Variants in EXOC4 observed in about 807,000 individuals in gnomAD.
EXOC4 encodes exocyst complex component 4.
A neutral mutation model predicts 107.2 loss-of-function variants in EXOC4; 71 were observed. That is an observed-to-expected ratio of 0.66 (90% CI 0.55 to 0.81). The LOEUF is 0.81. EXOC4 is among the 30% of genes least tolerant of loss of function. The pLI is 0.00. For synonymous variants in EXOC4, 456 were observed against 441.2 expected (o/e 1.03, Z -0.42); for missense variants, 1,108 against 1,189.6 (o/e 0.93, Z 1.01).
At chr7:133,815,247 G>A (rs1337030035) in intron 10 of EXOC4, among the ~76,000 whole-genome samples, 2 of 151,820 alleles carry the variant, frequency 1.3e-5, no homozygotes, top group Non-Finnish European at 2.9e-5. Flanking sequence ...TGGGCGTGGT[G>A]GTGCACACCT....
At chr7:133,385,758 C>T (rs1214930027) in intron 7 of EXOC4, among the ~76,000 whole-genome samples, 2 of 152,146 alleles carry the variant, frequency 1.3e-5, no homozygotes, top group Non-Finnish European at 2.9e-5. Flanking sequence ...CTTGCCCTAG[C>T]TTTCTTTTGC....
intron 10 of EXOC4, among the ~76,000 whole-genome samples, chr7:133,692,564 C>T (rs1794444945): frequency 6.6e-6 from 1 of 152,178 alleles, no homozygotes; most frequent in South Asian, 2.1e-4. Context: ...TAAACACTTC[C>T]ATCTTATCCA....
At chr7:133,955,819 G>T (rs1301133289) in intron 14 of EXOC4, among the ~76,000 whole-genome samples, 1 of 152,248 alleles carries the variant, frequency 6.6e-6, no homozygotes, top group African/African-American at 2.4e-5. Context: ...CTGAGTGCGT[G>T]CATACGTGAC....
intron 11 of EXOC4, among the ~76,000 whole-genome samples, chr7:133,865,107 TTTTTC>T (rs1330313949): frequency 1.3e-5 from 2 of 152,178 alleles, no homozygotes; most frequent in African/African-American, 2.4e-5. Context: ...TTATATTACT[TTTTTC>T]TTTTTCTTAT....
intron 10 of EXOC4, among the ~76,000 whole-genome samples, chr7:133,674,933 G>A (rs1455852585): frequency 6.6e-6 from 1 of 152,088 alleles, no homozygotes; most frequent in East Asian, 1.9e-4. Context: ...GCTTAACATT[G>A]TGCTCACTAC....
chr7:133,303,775 A>G (rs1794693343), intron 3 of EXOC4, among the ~76,000 whole-genome samples: 1 of 152,222 alleles, frequency 6.6e-6, no homozygotes, highest in Admixed American at 6.5e-5. Flanking sequence ...AAATATATTC[A>G]AAGTTTGTCA....
the EXOC4 span, among the ~76,000 whole-genome samples, chr7:134,087,187 T>C: frequency 6.6e-6 from 1 of 152,220 alleles, no homozygotes; most frequent in Non-Finnish European, 1.5e-5. Flanking sequence ...TTCAAATGCC[T>C]CTGACATTTC....
intron 10 of EXOC4, among the ~76,000 whole-genome samples, chr7:133,659,612 T>G (rs1332915360): frequency 6.6e-6 from 1 of 152,172 alleles, no homozygotes; most frequent in East Asian, 1.9e-4. Context: ...TAAGTGTGGA[T>G]TCCTGGTCCT....
chr7:133,361,203 C>T (rs772460626), intron 6 of EXOC4, among the ~76,000 whole-genome samples: 18 of 152,318 alleles, frequency 1.2e-4, no homozygotes, highest in Non-Finnish European at 1.6e-4. Context: ...ACTCAAAGAA[C>T]GCTAAGATGT....
chr7:133,543,203 TTG>T (rs137867471), intron 9 of EXOC4, among the ~76,000 whole-genome samples: 6,095 of 152,128 alleles, frequency 0.04, 417 homozygotes, highest in African/African-American at 0.14. Context: ...AAAATATACT[TTG>T]TGTATAAGTT....
chr7:133,766,795 A>C (rs948804692), intron 10 of EXOC4, among the ~76,000 whole-genome samples: 1 of 151,950 alleles, frequency 6.6e-6, no homozygotes, highest in African/African-American at 2.4e-5. Flanking sequence ...CAAATTGCCC[A>C]GGTCACTTGG....
chr7:133,863,792 C>A (rs1482998200), intron 11 of EXOC4, among the ~76,000 whole-genome samples: 1 of 152,160 alleles, frequency 6.6e-6, no homozygotes, highest in South Asian at 2.1e-4. Context: ...AGAAAAACTT[C>A]CTGCTTTGCA....
chr7:133,922,008 C>A (rs959314403), intron 13 of EXOC4, among the ~76,000 whole-genome samples: 1 of 152,166 alleles, frequency 6.6e-6, no homozygotes, highest in Non-Finnish European at 1.5e-5. Context: ...TATTGCTGAG[C>A]CCATCAGAGG....
At chr7:133,280,981 A>T (rs1794123502) in intron 2 of EXOC4, among the ~76,000 whole-genome samples, 3 of 152,304 alleles carry the variant, frequency 2.0e-5, no homozygotes, top group African/African-American at 7.2e-5. Context: ...ACATTAATGC[A>T]GTTGCTGGAA....
intron 14 of EXOC4, among the ~76,000 whole-genome samples, chr7:133,969,529 G>A (rs1801152278): frequency 6.6e-6 from 1 of 152,126 alleles, no homozygotes; most frequent in Non-Finnish European, 1.5e-5. Flanking sequence ...GTTTCTGTGT[G>A]GACGTCCTTT....
intron 5 of EXOC4, among the ~76,000 whole-genome samples, chr7:133,322,052 T>A (rs1795124765): frequency 6.6e-6 from 1 of 152,220 alleles, no homozygotes; most frequent in African/African-American, 2.4e-5. Flanking sequence ...CTTCACCCAC[T>A]TTTTGATGGG....
chr7:133,317,337 C>T lies in EXOC4; in HGVS notation c.710C>T (p.Thr237Ile). The T allele has an allele frequency of 8.7e-6, 14 of 1,613,796 alleles. No homozygotes were observed. The highest frequency in any genetic ancestry group is 1.2e-5 in the Non-Finnish European group (14 of 1,179,690). ...VPLIDVTNLP[T>I]PRKFLDTSHY... is the part of the protein sequence containing the mutation. ...CTGATTGATGTTACAAACCTCCCTA[C>T]TCCTCGAAAATTCCTTGATACCTCT... Residue 237 changes from threonine (T) to isoleucine (I), a missense_variant, in exon 5 of 18, where the codon ACT becomes ATT. Physicochemically the swap from Thr to Ile is moderately conservative, Grantham distance 89. Coordinates refer to ENST00000253861, the MANE Select transcript of EXOC4 (RefSeq NM_021807.4).
intron 7 of EXOC4, among the ~76,000 whole-genome samples, chr7:133,404,328 C>T (rs1426678974): frequency 6.6e-6 from 1 of 152,106 alleles, no homozygotes; most frequent in Admixed American, 6.5e-5. Context: ...TGGTCTCGAT[C>T]TCCTGACCTC....
At chr7:134,001,891 A>G (rs1420857060) in intron 15 of EXOC4, among the ~76,000 whole-genome samples, 2 of 152,214 alleles carry the variant, frequency 1.3e-5, no homozygotes, top group African/African-American at 4.8e-5. Context: ...TTATAGTCTC[A>G]TGCTATTTTA....
Sources: allele counts gnomAD v4.1 joint callset (sites outside exome capture counted in the v4.1 genomes callset), GRCh38; gene constraint gnomAD v4.1.1; transcripts MANE v1.5; gene names NCBI Gene and HGNC (gene_info 2026-07-23, HGNC 2026-07-21).